Variants in PARP4 observed in about 807,000 individuals in gnomAD.
The protein encoded by PARP4 is poly(ADP-ribose) polymerase family member 4.
Under a neutral mutation model 187.7 loss-of-function variants are expected in PARP4, and 120 were observed. The ratio of observed to expected loss-of-function variants is 0.64; its 90% CI spans 0.55 to 0.74. The LOEUF (loss-of-function observed/expected upper bound fraction) is 0.74. Among genes scored for constraint, PARP4 ranks in the 30% least tolerant of loss-of-function variants. The pLI is 0.00. For missense variants in PARP4, 1,836 were observed against 2,070.5 expected (o/e 0.89, Z 2.20); for synonymous variants, 654 against 740.9 (o/e 0.88, Z 1.90).
At chr13:24,431,974 G>A (rs999974108) in intron 31 of PARP4, among the ~76,000 whole-genome samples, 31 of 152,074 alleles carry the variant, frequency 2.0e-4, no homozygotes, top group Non-Finnish European at 4.3e-4. Flanking sequence ...TGATCCACCC[G>A]CCTCGGCCTC....
chr13:24,422,742 G>C (rs868248072), intron 33 of PARP4, among the ~76,000 whole-genome samples: 1 of 152,064 alleles, frequency 6.6e-6, no homozygotes, highest in African/African-American at 2.4e-5. Context: ...CTGTGTAGCT[G>C]GGATTACAGA....
chr13:24,463,755 C>T (rs185178655), intron 17 of PARP4, among the ~76,000 whole-genome samples: 6 of 152,264 alleles, frequency 3.9e-5, no homozygotes, highest in African/African-American at 1.4e-4. Flanking sequence ...GATGCCCTCT[C>T]TCACCACTCC....
At chr13:24,428,279 C>T (rs1291899872) in intron 32 of PARP4, among the ~76,000 whole-genome samples, 1 of 152,164 alleles carries the variant, frequency 6.6e-6, no homozygotes, top group East Asian at 1.9e-4. Flanking sequence ...CAGGCCGCTC[C>T]TTCTCAGCGT....
intron 17 of PARP4, among the ~76,000 whole-genome samples, chr13:24,466,041 C>T (rs762850854): frequency 5.9e-5 from 9 of 152,102 alleles, no homozygotes; most frequent in Non-Finnish European, 1.5e-5. Flanking sequence ...GATAAAAATG[C>T]TCTACATATG....
At position 24,477,785 on chromosome 13, in the gene PARP4, C is replaced by A. The variant is rs2137511120; in HGVS notation, c.1705G>T (p.Asp569Tyr). ...CTAGGATGAAAGTCCTTTATCTGAT[C>A]TCCAGGCATGGAAAATTTAATAATA... is the stretch of plus-strand genomic sequence containing the variant. ...KYIIKFSMPG[D>Y]QIKDFHPSDH... The change falls in exon 14 of 34, where the codon GAT (aspartate) becomes TAT (tyrosine). Residue 569 changes from aspartate (D) to tyrosine (Y), a missense_variant. Around this residue, in one of 8 missense-constraint regions of PARP4, gnomAD observed 1,147 missense variants for 1,214.2 expected, o/e 0.94. Transcript: ENST00000381989. 1 of 1,569,680 alleles carries A rather than the reference C, an allele frequency of 6.4e-7. No homozygotes were observed. Among genetic ancestry groups the A allele is most frequent in the Non-Finnish European group, 8.7e-7 (1 of 1,146,498 alleles).
At chr13:24,446,450 T>C (rs1352986581) in intron 27 of PARP4, among the ~76,000 whole-genome samples, 1 of 151,384 alleles carries the variant, frequency 6.6e-6, no homozygotes, top group African/African-American at 2.4e-5. Flanking sequence ...GGAAGAACTG[T>C]CTTGTGTGAC....
rs756230237 is a variant in PARP4 at position 24,449,757 on chromosome 13, T to C, written c.3075A>G (p.Glu1025=). ...TATGCTTGGATTTTGCATTAAAATA[T>C]TCAAATACTCCGGCACCACACTGGG... ...ILSQCGAGVF[E]YFNAKSKHSW... Residue 1025 remains glutamate (E), a synonymous_variant, in exon 25 of 34, where the codon GAA becomes GAG. Transcript: ENST00000381989. 5.6e-6 allele frequency: 9 copies of C among 1,610,620 alleles called. No homozygotes were observed. The highest frequency in any genetic ancestry group is 7.6e-6 in the Non-Finnish European group (9 of 1,177,448).
intron 30 of PARP4, among the ~76,000 whole-genome samples, chr13:24,440,397 CAA>C (rs34174938): frequency 7.7e-4 from 69 of 90,030 alleles, no homozygotes; most frequent in African/African-American, 1.3e-3. Context: ...GACTCTATCT[CAA>C]AAAAAAAAAA....
At chr13:24,512,002 A>G (rs1870040170) in intron 1 of PARP4, among the ~76,000 whole-genome samples, 1 of 152,238 alleles carries the variant, frequency 6.6e-6, no homozygotes, top group African/African-American at 2.4e-5. Context: ...ATGAGTCTGC[A>G]ACACGCACAT....
At position 24,443,716 on chromosome 13, in the gene PARP4, C is replaced by T. The variant is rs377368686; in HGVS notation, c.3381G>A (p.Leu1127=). The part of the protein sequence containing the change: ...QKTTGTMIHK[L]AARALIRDYE... ...AATCTCTGATTAGAGCTCGGGCTGC[C>T]AGCTTGTGGATCATCTGTGTTTAAG... Residue 1127 remains leucine (L), a synonymous_variant, in exon 28 of 34, where the codon CTG becomes CTA. Coordinates refer to ENST00000381989, the MANE Select transcript of PARP4 (RefSeq NM_006437.4). 63 of 1,613,164 alleles carry T rather than the reference C, an allele frequency of 3.9e-5. No homozygotes were observed. The highest frequency in any genetic ancestry group is 4.9e-5 in the Non-Finnish European group (58 of 1,179,288).
At position 24,490,787 on chromosome 13, in the gene PARP4, GGA is replaced by G; in HGVS notation, c.1093_1094del (p.Ser365GlnfsTer18). On this transcript the variant is annotated frameshift_variant, in exon 10 of 34. Transcript: ENST00000381989. LOFTEE classifies it high-confidence loss of function. ...TGGCCAGGGATGGTGGGTTGGGTTT[GGA>G]CAAATTAGTTTCACAGACATTAACC... ...DMVNVCETNLSKPNPPSLAKY... is the reference protein window; with the variant it reads ...DMVNVCETNLXKPNPPSLAKY... 1 of 1,614,008 alleles carries G rather than the reference GGA, an allele frequency of 6.2e-7. No individual in the cohort carries two copies. Among genetic ancestry groups the G allele is most frequent in the Non-Finnish European group, 8.5e-7 (1 of 1,179,944 alleles).
chr13:24,506,842 C>T (rs954015730), intron 1 of PARP4, among the ~76,000 whole-genome samples: 1 of 152,228 alleles, frequency 6.6e-6, no homozygotes, highest in Non-Finnish European at 1.5e-5. Flanking sequence ...CTTGGGTGGT[C>T]GATGGGACCG....
chr13:24,461,488 A>T (rs543181586), intron 17 of PARP4, among the ~76,000 whole-genome samples: 7 of 152,214 alleles, frequency 4.6e-5, no homozygotes, highest in Non-Finnish European at 8.8e-5. Flanking sequence ...CTGAATTCCA[A>T]AGAGGGGACA....
intron 9 of PARP4, among the ~76,000 whole-genome samples, chr13:24,491,122 ATT>A (rs569158116): frequency 1.2e-4 from 17 of 138,020 alleles, no homozygotes; most frequent in Non-Finnish European, 7.9e-5. Context: ...CATGACTGAC[ATT>A]TTTTTTTTTT....
Position 24,426,663 on chromosome 13 carries a change from A to G in PARP4, c.4847-65T>C, listed in dbSNP as rs939522793. 3 of 1,386,902 alleles carry G rather than the reference A, an allele frequency of 2.2e-6. No homozygotes were observed. The African/African-American group carries it at 4.3e-5, about 20-fold the overall frequency. 85.9% of individuals were successfully genotyped at this position (1,386,902 alleles called of 1,614,324 possible). A position where few individuals can be genotyped will look rare whatever the true frequency, so the allele number is the denominator to read the frequency against. On this transcript the variant is annotated intron_variant, in intron 32 of 33. Transcript: ENST00000381989. ...TGCATCTCAAACTGTGCCTGTTTATAAAATTCTCATTAAAGAATTACAATA... is the reference window on the plus strand; with the variant it reads ...TGCATCTCAAACTGTGCCTGTTTATGAAATTCTCATTAAAGAATTACAATA...
intron 17 of PARP4, among the ~76,000 whole-genome samples, chr13:24,465,517 G>A (rs1872417895): frequency 6.6e-6 from 1 of 152,072 alleles, no homozygotes; most frequent in Non-Finnish European, 1.5e-5. Flanking sequence ...AACTAACACA[G>A]GAACAGAAAA....
At chr13:24,494,814 G>A in intron 6 of PARP4, 92 bp from the exon 7 acceptor site, 2 of 763,442 alleles carry the variant, frequency 2.6e-6, no homozygotes, top group Admixed American at 3.0e-5. Flanking sequence ...TTGACATGAA[G>A]AAGCTTAGAA....
At chr13:24,483,783 C>T (rs1229895016) in intron 12 of PARP4, among the ~76,000 whole-genome samples, 7 of 152,082 alleles carry the variant, frequency 4.6e-5, no homozygotes, top group African/African-American at 7.2e-5. Flanking sequence ...CACACCACCA[C>T]GCCCAGCTAA....
chr13:24,494,525 T>C, intron 7 of PARP4, 48 bp downstream of exon 7: 1 of 1,504,624 alleles, frequency 6.6e-7, no homozygotes, highest in South Asian at 1.2e-5. Flanking sequence ...AAAACATTTC[T>C]ATTAAAAATA....
Sources: gnomAD v4.1 joint callset for allele counts (sites outside exome capture counted in the v4.1 genomes callset) on GRCh38, gnomAD v4.1.1 for gene constraint, gnomAD v4.1.1 regional missense constraint, MANE v1.5 for transcripts, NCBI Gene and HGNC (gene_info 2026-07-23, HGNC 2026-07-21) for gene names.